The following ABCC4 variants were observed in gnomAD, a reference collection of about 807,000 sequenced individuals.
The protein encoded by ABCC4 is ATP binding cassette subfamily C member 4 (PEL blood group), also known as ATP-binding cassette sub-family C member 4.
In ABCC4, 102 loss-of-function variants were observed where a neutral mutation model predicts 168.5. That is an observed-to-expected ratio of 0.61 (90% CI 0.52 to 0.71). The LOEUF (loss-of-function observed/expected upper bound fraction) is 0.71. Among genes scored for constraint, ABCC4 ranks in the 30% least tolerant of loss-of-function variants. The probability of loss-of-function intolerance (pLI) is 0.00; values close to 1 mark genes in which losing one functional copy is unlikely to be tolerated. For synonymous variants in ABCC4, 617 were observed against 590.7 expected (o/e 1.04, Z -0.65); for missense variants, 1,402 against 1,605.8 (o/e 0.87, Z 2.17).
chr13:95,058,549 C>T (rs1427051289), intron 26 of ABCC4, among the ~76,000 whole-genome samples: 3 of 94,564 alleles, frequency 3.2e-5, no homozygotes, highest in African/African-American at 1.2e-4. Context: ...AGCCTGGCAA[C>T]AGAGCAAGAC....
In ABCC4 at chr13:95,020,441, A is replaced by G. The variant is rs892841569; in HGVS notation, c.*1134T>C. On this transcript the variant is annotated 3_prime_UTR_variant, in exon 31 of 31. Coordinates refer to ENST00000645237, the MANE Select transcript of ABCC4 (RefSeq NM_005845.5). ...AATTAAAGACTCATAGTTCAAATAA[A>G]GTACAAAAGGTCCCAGGAAGTATTG... 1 of 152,490 alleles carries G rather than the reference A, an allele frequency of 6.6e-6. No individual in the cohort carries two copies. The highest frequency in any genetic ancestry group is 2.4e-5 in the African/African-American group (1 of 41,440). The allele number at this position is 152,490 out of a possible 1,614,324, so 9.4% of individuals were successfully genotyped here.
At chr13:95,100,534 T>A (rs1339886712) in intron 20 of ABCC4, among the ~76,000 whole-genome samples, 1 of 152,198 alleles carries the variant, frequency 6.6e-6, no homozygotes, top group East Asian at 1.9e-4. Flanking sequence ...ATCATCCTGA[T>A]CTCAGAAATC....
chr13:95,275,462 C>T (rs2040949230), intron 1 of ABCC4, among the ~76,000 whole-genome samples: 1 of 152,212 alleles, frequency 6.6e-6, no homozygotes, highest in Non-Finnish European at 1.5e-5. Context: ...CCTTGTGGCT[C>T]TGCGCCAGAA....
At chr13:95,291,272 T>C (rs572310440) in intron 1 of ABCC4, among the ~76,000 whole-genome samples, 1 of 152,084 alleles carries the variant, frequency 6.6e-6, no homozygotes, top group South Asian at 2.1e-4. Context: ...GTAGGATCAC[T>C]TGAGCCTGGG....
intron 19 of ABCC4, among the ~76,000 whole-genome samples, chr13:95,132,072 T>C (rs376153441): frequency 2.5e-4 from 38 of 152,268 alleles, no homozygotes; most frequent in African/African-American, 7.5e-4. Context: ...AACAAATGAA[T>C]GGATAAACGA....
At chr13:95,151,617 A>AAGAAGGAGG (rs2036689078) in intron 19 of ABCC4, among the ~76,000 whole-genome samples, 1 of 137,504 alleles carries the variant, frequency 7.3e-6, no homozygotes, top group South Asian at 2.3e-4. Flanking sequence ...GGAGAAGGAG[A>AAGAAGGAGG]AGAAGGAGAA....
chr13:95,195,982 C>T (rs145699962), intron 8 of ABCC4, among the ~76,000 whole-genome samples: 13 of 152,238 alleles, frequency 8.5e-5, no homozygotes, highest in East Asian at 1.9e-4. Flanking sequence ...GACAGCAGAA[C>T]GGACCAATCT....
At chr13:95,142,048 A>C (rs1311564055) in intron 19 of ABCC4, among the ~76,000 whole-genome samples, 1 of 152,222 alleles carries the variant, frequency 6.6e-6, no homozygotes, top group Non-Finnish European at 1.5e-5. Context: ...TACATAACTA[A>C]AAGTAGAACT....
chr13:95,243,040 G>C (rs2039988834), intron 3 of ABCC4, among the ~76,000 whole-genome samples: 1 of 152,324 alleles, frequency 6.6e-6, no homozygotes, highest in Non-Finnish European at 1.5e-5. Flanking sequence ...AAGAATAACT[G>C]ACTACTGTCT....
intron 1 of ABCC4, among the ~76,000 whole-genome samples, chr13:95,257,073 C>T (rs2040410943): frequency 6.6e-6 from 1 of 152,194 alleles, no homozygotes; most frequent in South Asian, 2.1e-4. Context: ...TAATTTTTGA[C>T]TCCCCAAAAC....
chr13:95,119,622 C>T (rs1281555856), intron 19 of ABCC4, among the ~76,000 whole-genome samples: 2 of 152,092 alleles, frequency 1.3e-5, no homozygotes, highest in Non-Finnish European at 2.9e-5. Flanking sequence ...AAGTTAAAGT[C>T]ACCTCCGGAA....
At chr13:95,269,030 C>CA (rs1357184730) in intron 1 of ABCC4, among the ~76,000 whole-genome samples, 2 of 152,186 alleles carry the variant, frequency 1.3e-5, no homozygotes, top group East Asian at 3.9e-4. Context: ...TGACAGGTCT[C>CA]AACTCCCTGG....
intron 6 of ABCC4, 68 bp downstream of exon 6, chr13:95,209,366 A>C (rs963734659): frequency 2.6e-6 from 4 of 1,532,964 alleles, no homozygotes. Context: ...TTTCTGAACA[A>C]AAGCATTGGG....
chr13:95,098,632 C>T (rs1420559761), intron 20 of ABCC4, among the ~76,000 whole-genome samples: 1 of 152,080 alleles, frequency 6.6e-6, no homozygotes, highest in African/African-American at 2.4e-5. Flanking sequence ...GAAATATTCA[C>T]AAATGCCTAA....
chr13:95,151,986 T>C (rs1475193551), intron 19 of ABCC4, among the ~76,000 whole-genome samples: 1 of 152,214 alleles, frequency 6.6e-6, no homozygotes, highest in Non-Finnish European at 1.5e-5. Flanking sequence ...ATGAAGTTTA[T>C]GAAACAAAAC....
intron 14 of ABCC4, among the ~76,000 whole-genome samples, chr13:95,168,159 A>G (rs2037347432): frequency 6.6e-6 from 1 of 152,206 alleles, no homozygotes; most frequent in African/African-American, 2.4e-5. Context: ...GGCATGAGCC[A>G]CCGCGCCTCG....
chr13:95,292,499 T>C (rs890034796), intron 1 of ABCC4, among the ~76,000 whole-genome samples: 2 of 152,206 alleles, frequency 1.3e-5, no homozygotes, highest in African/African-American at 4.8e-5. Context: ...ATTTTGGTTC[T>C]AGGAGCTGCT....
At chr13:95,049,721 C>T (rs1284513991) in intron 27 of ABCC4, among the ~76,000 whole-genome samples, 1 of 152,046 alleles carries the variant, frequency 6.6e-6, no homozygotes, top group Non-Finnish European at 1.5e-5. Context: ...GACTGTCTCC[C>T]TCCAGATGCC....
intron 22 of ABCC4, 101 bp downstream of exon 22, chr13:95,075,331 G>T: frequency 6.7e-7 from 1 of 1,498,836 alleles, no homozygotes; most frequent in Non-Finnish European, 9.1e-7. Flanking sequence ...TGTGGGGCTG[G>T]GCCCTGAGGT....
Sources: gnomAD v4.1 joint callset for allele counts (sites outside exome capture counted in the v4.1 genomes callset) on GRCh38, gnomAD v4.1.1 for gene constraint, MANE v1.5 for transcripts, NCBI Gene and HGNC (gene_info 2026-07-23, HGNC 2026-07-21) for gene names.